KPNA5: variants seen among roughly 807,000 people sequenced by gnomAD.
The protein encoded by KPNA5 is karyopherin subunit alpha 5.
KPNA5 carries 46 observed loss-of-function variants against 71.3 expected under a neutral mutation model. That is an observed-to-expected ratio of 0.65 (90% CI 0.51 to 0.83). The LOEUF is 0.83. KPNA5 is among the 40% of genes least tolerant of loss of function. The probability of loss-of-function intolerance (pLI) is 0.00; values close to 1 mark genes in which losing one functional copy is unlikely to be tolerated. For synonymous variants in KPNA5, 207 were observed against 201.4 expected (o/e 1.03, Z -0.24); for missense variants, 547 against 628.3 (o/e 0.87, Z 1.38).
intron 1 of KPNA5, among the ~76,000 whole-genome samples, chr6:116,686,214 G>A (rs936120001): frequency 4.6e-5 from 7 of 152,164 alleles, no homozygotes; most frequent in Admixed American, 3.9e-4. Context: ...CACCATACCT[G>A]GCTCATTTTG....
intron 12 of KPNA5, among the ~76,000 whole-genome samples, 189 bp downstream of exon 12, chr6:116,726,811 T>C (rs1779308913): frequency 6.6e-6 from 1 of 152,064 alleles, no homozygotes; most frequent in Non-Finnish European, 1.5e-5. Flanking sequence ...GTAATTAACA[T>C]CATTCTCCTT....
intron 9 of KPNA5, among the ~76,000 whole-genome samples, chr6:116,722,649 TTTA>T (rs1490896749): frequency 6.6e-6 from 1 of 152,230 alleles, no homozygotes; most frequent in African/African-American, 2.4e-5. Flanking sequence ...AATAATCTAG[TTTA>T]TTATTCATTA....
intron 4 of KPNA5, among the ~76,000 whole-genome samples, chr6:116,693,100 G>A (rs1453472436): frequency 2.0e-5 from 3 of 152,146 alleles, no homozygotes; most frequent in Non-Finnish European, 2.9e-5. Context: ...GTTCCATGGT[G>A]TATATGTGCC....
In KPNA5 at chr6:116,733,237, A is replaced by T. The variant is rs1313090631; in HGVS notation, c.*914A>T. On this transcript the variant is annotated 3_prime_UTR_variant, in exon 14 of 14. Transcript: ENST00000368564. ...CTCTGATTTTTCAGAGCAGTAATTG[A>T]AAAGTTTCATTTTCTGTATAATAGT... 2 of 151,492 alleles carry T rather than the reference A, an allele frequency of 1.3e-5. No homozygotes were observed. The highest frequency in any genetic ancestry group is 4.8e-5 in the African/African-American group (2 of 41,386). 9.4% of individuals were successfully genotyped at this position (151,492 alleles called of 1,614,324 possible).
intron 7 of KPNA5, among the ~76,000 whole-genome samples, chr6:116,715,496 T>A (rs1040521265): frequency 6.6e-6 from 1 of 152,112 alleles, no homozygotes; most frequent in Admixed American, 6.5e-5. Context: ...GCAAACTAGG[T>A]AAAAAAATAC....
chr6:116,727,551 T>C (rs1779334471), intron 12 of KPNA5, among the ~76,000 whole-genome samples: 1 of 152,076 alleles, frequency 6.6e-6, no homozygotes, highest in Non-Finnish European at 1.5e-5. Flanking sequence ...CTATGCCATT[T>C]TATATAAAGG....
At chr6:116,715,325 C>A (rs1318692410) in intron 7 of KPNA5, among the ~76,000 whole-genome samples, 1 of 151,994 alleles carries the variant, frequency 6.6e-6, no homozygotes, top group African/African-American at 2.4e-5. Flanking sequence ...AGGGGGTCCA[C>A]AACTCTAAAA....
At position 116,724,280 on chromosome 6, in the gene KPNA5, G is replaced by A. The variant is rs370565145; in HGVS notation, c.921-17G>A. The A allele has an allele frequency of 2.6e-6, 4 of 1,566,960 alleles. No homozygotes were observed. Among genetic ancestry groups the A allele is most frequent in the Non-Finnish European group, 3.5e-6 (4 of 1,139,396 alleles). On this transcript the variant is annotated splice_polypyrimidine_tract_variant and intron_variant, in intron 9 of 13. Transcript: ENST00000368564. ...AATTCTTACTAGTATTTAGGTTCAT[G>A]TTTTTATTATTTTTAGGCACAATGA...
At position 116,738,845 on chromosome 6, in the gene KPNA5, CGT is replaced by C. The variant is rs1779764808; in HGVS notation, c.*6523_*6524del. 6.6e-6 allele frequency: 1 copy of C among 152,062 alleles called. No individual in the cohort carries two copies. Among genetic ancestry groups the C allele is most frequent in the African/African-American group, 2.4e-5 (1 of 41,398 alleles). The allele number at this position is 152,062 out of a possible 1,614,324, so 9.4% of individuals were successfully genotyped here. Reference sequence around the variant, plus strand: ...CTCAATAAATTAGGTATTGATGGGACGTATCTCCAAATAATAAGAGCTATCTA... The same window carrying C: ...CTCAATAAATTAGGTATTGATGGGACATCTCCAAATAATAAGAGCTATCTA... On this transcript the variant is annotated 3_prime_UTR_variant, in exon 14 of 14. Coordinates refer to ENST00000368564, the MANE Select transcript of KPNA5 (RefSeq NM_001366306.2).
At chr6:116,730,550 A>G (rs1436580930) in intron 13 of KPNA5, among the ~76,000 whole-genome samples, 1 of 152,170 alleles carries the variant, frequency 6.6e-6, no homozygotes, top group East Asian at 1.9e-4. Flanking sequence ...ATCTGGGGAT[A>G]AATTTTCAGG....
In KPNA5 at chr6:116,722,282, C is replaced by G. The variant is rs759331388; in HGVS notation, c.913C>G (p.Leu305Val). 40 of 1,604,862 alleles carry G rather than the reference C, an allele frequency of 2.5e-5. No homozygotes were observed. Among genetic ancestry groups the G allele is most frequent in the Non-Finnish European group, 3.3e-5 (39 of 1,175,960 alleles). The change falls in exon 9 of 14, where the codon CTT becomes GTT. Residue 305 changes from leucine (L) to valine (V), a missense_variant. Transcript: ENST00000368564. The part of the protein sequence containing the change: ...DSGVCRRLVE[L>V]LMHNDYKVVS... ...TGGAGTCTGTCGAAGATTGGTGGAACTTTTGATGTAACTATAAATAATTTA... is the reference window on the plus strand; with the variant it reads ...TGGAGTCTGTCGAAGATTGGTGGAAGTTTTGATGTAACTATAAATAATTTA...
At chr6:116,722,418 C>A in intron 9 of KPNA5, 129 bp downstream of exon 9, 1 of 720,742 alleles carries the variant, frequency 1.4e-6, no homozygotes. Context: ...TGACCCAACA[C>A]TTAACAGAAT....
In KPNA5 at chr6:116,709,233, A is replaced by T. The variant is rs145649660; in HGVS notation, c.656+4073A>T. On this transcript the variant is annotated intron_variant, in intron 7 of 13. Transcript: ENST00000368564. ...GCTGAGCATAATGGCACATGCCTGT[A>T]GTCTCAGATACTTGGGAGGCTGAGT... Among the ~76,000 whole-genome samples, 18 of 152,362 alleles carry T rather than the reference A, an allele frequency of 1.2e-4. No individual in the cohort carries two copies. The East Asian group carries it at 3.5e-3, about 29-fold the overall frequency.
chr6:116,692,467 TA>T lies in KPNA5; in HGVS notation c.340+78del. The T allele has an allele frequency of 5.4e-6, 5 of 925,766 alleles. No individual in the cohort carries two copies. The South Asian group carries it at 6.2e-5, about 12-fold the overall frequency. The allele number at this position is 925,766 out of a possible 1,614,324, so 57.3% of individuals were successfully genotyped here. A position where few individuals can be genotyped will look rare whatever the true frequency, so the allele number is the denominator to read the frequency against. Reference sequence around the variant, plus strand: ...AGAGGTTTATTTTATTGTTTTTTTTTAAATTTTAAAATACCTTTCTTTGCTA... The same window carrying T: ...AGAGGTTTATTTTATTGTTTTTTTTTAATTTTAAAATACCTTTCTTTGCTA... On this transcript the variant is annotated intron_variant, in intron 4 of 13. Coordinates refer to ENST00000368564, the MANE Select transcript of KPNA5 (RefSeq NM_001366306.2).
chr6:116,691,227 CA>C (rs1338207340), intron 2 of KPNA5, among the ~76,000 whole-genome samples: 5 of 152,158 alleles, frequency 3.3e-5, no homozygotes, highest in African/African-American at 1.2e-4. Flanking sequence ...GACTCCGTCT[CA>C]AAAAATAAAA....
At position 116,722,212 on chromosome 6, in the gene KPNA5, T is replaced by A; in HGVS notation, c.843T>A (p.Tyr281Ter). Reference sequence around the variant, plus strand: ...CAGACGTGTGTTGGGCCCTTTCTTATCTCTCCGATGGACCCAATGATAAAA... The same window carrying A: ...CAGACGTGTGTTGGGCCCTTTCTTAACTCTCCGATGGACCCAATGATAAAA... ...VLADVCWALS[Y>*]LSDGPNDKIQ... The change falls in exon 9 of 14, where the codon TAT becomes TAA. Residue 281 changes from tyrosine (Y) to a stop codon, truncating the protein, a stop_gained. Coordinates refer to ENST00000368564, the MANE Select transcript of KPNA5 (RefSeq NM_001366306.2). LOFTEE classifies it high-confidence loss of function. The A allele has an allele frequency of 6.2e-7, 1 of 1,613,466 alleles. No individual in the cohort carries two copies. Among genetic ancestry groups the A allele is most frequent in the Non-Finnish European group, 8.5e-7 (1 of 1,179,610 alleles).
intron 9 of KPNA5, 43 bp from the exon 10 acceptor site, chr6:116,724,254 A>C: frequency 7.5e-7 from 1 of 1,340,782 alleles, no homozygotes; most frequent in Non-Finnish European, 1.1e-6. Flanking sequence ...TGTAAATTTT[A>C]AATTCTTACT....
chr6:116,729,683 A>G lies in KPNA5; in HGVS notation c.1374A>G (p.Glu458=). 6.2e-7 allele frequency: 1 copy of G among 1,610,708 alleles called. No individual in the cohort carries two copies. Among genetic ancestry groups the G allele is most frequent in the Non-Finnish European group, 8.5e-7 (1 of 1,178,238 alleles). Residue 458 remains glutamate (E), a synonymous_variant, in exon 13 of 14, where the codon GAA becomes GAG. Coordinates refer to ENST00000368564, the MANE Select transcript of KPNA5 (RefSeq NM_001366306.2). Reference sequence around the variant, plus strand: ...ATATTTTACGTCTTGGAGAACAAGAATCTAAGCAGAATGGAATAGGCATTA... The same window carrying G: ...ATATTTTACGTCTTGGAGAACAAGAGTCTAAGCAGAATGGAATAGGCATTA... The part of the protein sequence containing the change: ...LENILRLGEQ[E]SKQNGIGINP...
chr6:116,732,138 C>G lies in KPNA5; in HGVS notation c.1435C>G (p.Leu479Val), dbSNP rs760750928. The change falls in exon 14 of 14, where the codon CTG becomes GTG. Residue 479 changes from leucine to valine, a missense_variant and splice_region_variant. Leu to Val is a conservative substitution (Grantham distance 32, BLOSUM62 1). Transcript: ENST00000368564. The stretch of plus-strand genomic sequence containing the variant: ...TATATATATACTTTGTATAACAGGT[C>G]TGGATAAAATTGAGTTTTTGCAAAG... The part of the protein sequence containing the change: ...YCALIEEAYG[L>V]DKIEFLQSHE... 2.6e-6 allele frequency: 3 copies of G among 1,171,066 alleles called. No individual in the cohort carries two copies. 72.5% of individuals were successfully genotyped at this position (1,171,066 alleles called of 1,614,324 possible).
Sources: allele counts gnomAD v4.1 joint callset (sites outside exome capture counted in the v4.1 genomes callset), GRCh38; gene constraint gnomAD v4.1.1; transcripts MANE v1.5; gene names NCBI Gene and HGNC (gene_info 2026-07-23, HGNC 2026-07-21).